Variants in CNTNAP2 observed in about 807,000 individuals in gnomAD.
CNTNAP2 encodes the protein contactin-associated protein-like 2.
A neutral mutation model predicts 155.2 loss-of-function variants in CNTNAP2; 98 were observed. That is an observed-to-expected ratio of 0.63 (90% CI 0.54 to 0.75). CNTNAP2 has a LOEUF of 0.75. Among genes scored for constraint, CNTNAP2 ranks in the 30% least tolerant of loss-of-function variants. CNTNAP2 has a pLI of 0.00. For missense variants in CNTNAP2, 1,727 were observed against 1,688.1 expected (o/e 1.02, Z -0.40); for synonymous variants, 651 against 631.2 (o/e 1.03, Z -0.47).
At chr7:148,351,744 C>CAAAAAAAAA (rs71188974) in intron 21 of CNTNAP2, among the ~76,000 whole-genome samples, 3,656 of 85,106 alleles carry the variant, frequency 0.043, 486 homozygotes, top group African/African-American at 0.16. Context: ...CTCTGTCTCA[C>CAAAAAAAAA]AAAAAAAAAA....
intron 1 of CNTNAP2, among the ~76,000 whole-genome samples, chr7:146,426,410 C>T (rs573368731): frequency 0.012 from 1,581 of 136,030 alleles, 11 homozygotes; most frequent in South Asian, 0.018. Flanking sequence ...TATATATATA[C>T]ACACACACAC....
At chr7:148,068,297 T>G (rs1803308569) in intron 15 of CNTNAP2, among the ~76,000 whole-genome samples, 1 of 152,188 alleles carries the variant, frequency 6.6e-6, no homozygotes. Flanking sequence ...CAAGAACCTC[T>G]ATGAGGTAAA....
chr7:147,338,925 A>G (rs962910311), intron 9 of CNTNAP2, among the ~76,000 whole-genome samples: 13 of 152,242 alleles, frequency 8.5e-5, no homozygotes, highest in Admixed American at 2.6e-4. Flanking sequence ...TATTATTTGA[A>G]TACTTTTTCA....
chr7:147,829,157 A>AT (rs913117999), intron 13 of CNTNAP2, among the ~76,000 whole-genome samples: 16 of 152,126 alleles, frequency 1.1e-4, no homozygotes, highest in South Asian at 4.1e-4. Context: ...CATAATGCAG[A>AT]TTTTTTTTCA....
chr7:147,186,206 C>A (rs1484938957), intron 8 of CNTNAP2, among the ~76,000 whole-genome samples: 1 of 152,054 alleles, frequency 6.6e-6, no homozygotes, highest in Non-Finnish European at 1.5e-5. Context: ...AATCTTAATG[C>A]TTACACTAAA....
intron 8 of CNTNAP2, among the ~76,000 whole-genome samples, chr7:147,245,840 C>T (rs1775070955): frequency 6.8e-6 from 1 of 146,998 alleles, no homozygotes; most frequent in South Asian, 2.1e-4. Flanking sequence ...AAATTTTGGT[C>T]ATTGTTTGCA....
At chr7:147,996,313 A>G (rs1212489162) in intron 15 of CNTNAP2, among the ~76,000 whole-genome samples, 1 of 152,240 alleles carries the variant, frequency 6.6e-6, no homozygotes, top group Non-Finnish European at 1.5e-5. Flanking sequence ...GTTCTTATCA[A>G]CATGCAGATT....
chr7:147,355,142 G>A (rs7781464), intron 9 of CNTNAP2, among the ~76,000 whole-genome samples: 26,073 of 151,822 alleles, frequency 0.17, 2,841 homozygotes, highest in Non-Finnish European at 0.24. Context: ...CCATTGTTTC[G>A]AGTAAAGTGG....
At chr7:146,239,958 GTCTACAT>G (rs1183706225) in intron 1 of CNTNAP2, among the ~76,000 whole-genome samples, 1 of 152,056 alleles carries the variant, frequency 6.6e-6, no homozygotes, top group Non-Finnish European at 1.5e-5. Context: ...TCATGGATCT[GTCTACAT>G]TGGTTTATAA....
intron 1 of CNTNAP2, among the ~76,000 whole-genome samples, chr7:146,220,011 C>A (rs990093306): frequency 6.6e-6 from 1 of 152,034 alleles, no homozygotes; most frequent in Non-Finnish European, 1.5e-5. Context: ...GGTGATGACA[C>A]CTAATTACTG....
intron 11 of CNTNAP2, among the ~76,000 whole-genome samples, chr7:147,540,228 C>G (rs1423428040): frequency 6.6e-6 from 1 of 152,116 alleles, no homozygotes; most frequent in Non-Finnish European, 1.5e-5. Context: ...TCCAGTCACT[C>G]TGAGTGTCAC....
intron 2 of CNTNAP2, among the ~76,000 whole-genome samples, chr7:146,819,270 G>A (rs909930369): frequency 5.3e-5 from 8 of 152,180 alleles, no homozygotes; most frequent in Non-Finnish European, 7.4e-5. Context: ...TGATGACAAT[G>A]GTAGTTATTT....
At chr7:148,330,408 T>G (rs1585278519) in intron 21 of CNTNAP2, among the ~76,000 whole-genome samples, 1 of 137,128 alleles carries the variant, frequency 7.3e-6, no homozygotes, top group Non-Finnish European at 1.6e-5. Flanking sequence ...AGGGATGGAG[T>G]GGACAGATGG....
intron 1 of CNTNAP2, among the ~76,000 whole-genome samples, chr7:146,475,009 GCGCGCACACACACACA>G (rs1796855801): frequency 7.7e-6 from 1 of 129,502 alleles, no homozygotes; most frequent in African/African-American, 3.1e-5. Flanking sequence ...ACGCGCGCGC[GCGCGCACACACACACA>G]CACACACACA....
chr7:147,052,445 C>G (rs1356401361), intron 4 of CNTNAP2, among the ~76,000 whole-genome samples: 1 of 151,982 alleles, frequency 6.6e-6, no homozygotes, highest in Non-Finnish European at 1.5e-5. Context: ...TTTGAGGATG[C>G]ATAGATTCTT....
At chr7:147,340,200 T>C (rs1795736931) in intron 9 of CNTNAP2, among the ~76,000 whole-genome samples, 1 of 152,140 alleles carries the variant, frequency 6.6e-6, no homozygotes, top group African/African-American at 2.4e-5. Context: ...ATGTATACCC[T>C]GTCAAAGGGC....
chr7:147,423,241 AGTT>A (rs1159146970), intron 10 of CNTNAP2, among the ~76,000 whole-genome samples: 1 of 152,128 alleles, frequency 6.6e-6, no homozygotes, highest in African/African-American at 2.4e-5. Context: ...AAATACCTGT[AGTT>A]GTTATGAAAG....
chr7:146,718,604 A>C (rs1801232003), intron 1 of CNTNAP2, among the ~76,000 whole-genome samples: 2 of 152,210 alleles, frequency 1.3e-5, no homozygotes, highest in Non-Finnish European at 2.9e-5. Context: ...ACTTAGGAGC[A>C]ATAAATAATT....
At chr7:147,463,075 A>G (rs1165218050) in intron 10 of CNTNAP2, among the ~76,000 whole-genome samples, 5 of 152,208 alleles carry the variant, frequency 3.3e-5, no homozygotes, top group African/African-American at 7.2e-5. Context: ...CACCAGTTCT[A>G]TCTCCCACTA....
Sources: allele counts gnomAD v4.1 joint callset (sites outside exome capture counted in the v4.1 genomes callset), GRCh38; gene constraint gnomAD v4.1.1; transcripts MANE v1.5; gene names NCBI Gene and HGNC (gene_info 2026-07-23, HGNC 2026-07-21).